Variants in KHDRBS2 observed in about 807,000 individuals in gnomAD.
KHDRBS2 encodes KH domain-containing, RNA-binding, signal transduction-associated protein 2.
In KHDRBS2, 26 loss-of-function variants were observed where a neutral mutation model predicts 44.3. The ratio of observed to expected loss-of-function variants is 0.59; its 90% CI spans 0.43 to 0.81. The LOEUF is 0.81. Among genes scored for constraint, KHDRBS2 ranks in the 40% least tolerant of loss-of-function variants. The probability of loss-of-function intolerance (pLI) is 0.00; values close to 1 mark genes in which losing one functional copy is unlikely to be tolerated. For synonymous variants in KHDRBS2, 194 were observed against 151.1 expected (o/e 1.28, Z -2.08); for missense variants, 476 against 433.1 (o/e 1.10, Z -0.88).
At chr6:61,972,015 C>T (rs533098407) in intron 4 of KHDRBS2, among the ~76,000 whole-genome samples, 12 of 152,222 alleles carry the variant, frequency 7.9e-5, no homozygotes, top group Non-Finnish European at 1.0e-4. Flanking sequence ...ATCTATTCAC[C>T]TATTTCCAAT....
intron 8 of KHDRBS2, among the ~76,000 whole-genome samples, chr6:61,694,975 G>A (rs1767746961): frequency 6.6e-6 from 1 of 152,150 alleles, no homozygotes; most frequent in Non-Finnish European, 1.5e-5. Flanking sequence ...ATTTGGGAGA[G>A]AGTAAGCCTG....
chr6:61,784,009 A>G (rs1296004625), intron 6 of KHDRBS2, among the ~76,000 whole-genome samples: 1 of 152,006 alleles, frequency 6.6e-6, no homozygotes, highest in Non-Finnish European at 1.5e-5. Flanking sequence ...AAACCTTAGA[A>G]TGACTCTGTC....
intron 4 of KHDRBS2, among the ~76,000 whole-genome samples, chr6:61,941,631 C>G (rs1262363572): frequency 1.3e-5 from 2 of 152,004 alleles, no homozygotes; most frequent in African/African-American, 4.8e-5. Context: ...CCTAAGCCAC[C>G]AAGAAAATCA....
At chr6:61,607,519 G>GCAAAAAAAAAAAA in the KHDRBS2 span, among the ~76,000 whole-genome samples, 1 of 23,322 alleles carries the variant, frequency 4.3e-5, no homozygotes, top group Non-Finnish European at 7.6e-5. Flanking sequence ...TGAGTTCCAA[G>GCAAAAAAAAAAAA]CAAAAAAAAA....
the KHDRBS2 span, among the ~76,000 whole-genome samples, chr6:61,667,133 AC>A: frequency 1.2e-4 from 17 of 147,644 alleles, no homozygotes; most frequent in African/African-American, 4.0e-4. Context: ...GCCGCAAAGT[AC>A]TTTTTTTTTT....
intron 2 of KHDRBS2, among the ~76,000 whole-genome samples, chr6:62,061,877 T>C (rs1226754672): frequency 6.6e-6 from 1 of 151,128 alleles, no homozygotes; most frequent in East Asian, 2.0e-4. Flanking sequence ...TCATTTCTTT[T>C]TATTCTTTTT....
At chr6:62,239,129 G>C (rs1017546754) in intron 1 of KHDRBS2, among the ~76,000 whole-genome samples, 3 of 152,142 alleles carry the variant, frequency 2.0e-5, no homozygotes, top group Non-Finnish European at 4.4e-5. Context: ...AATCAATGTT[G>C]AATTTCTTGG....
chr6:61,799,090 C>T (rs2127588704), intron 6 of KHDRBS2, among the ~76,000 whole-genome samples: 1 of 152,098 alleles, frequency 6.6e-6, no homozygotes, highest in East Asian at 1.9e-4. Context: ...TATGAGGCAT[C>T]AGTCGTGAAT....
Position 62,247,931 on chromosome 6 carries a change from C to G in KHDRBS2, c.91+37927G>C, listed in dbSNP as rs115166286. ...CAGTAGAGATTAAAAAGAGTTTTCC[C>G]AGAATGCTATGACTTTTTCTTTATA... On this transcript the variant is annotated intron_variant, in intron 1 of 8. Transcript: ENST00000281156. Among the ~76,000 whole-genome samples, 6 of 152,108 alleles carry G rather than the reference C, an allele frequency of 3.9e-5. 1 individual carries two copies. The East Asian group carries it at 5.8e-4, about 15-fold the overall frequency.
chr6:61,957,140 C>A (rs772362850), intron 4 of KHDRBS2, among the ~76,000 whole-genome samples: 1 of 152,152 alleles, frequency 6.6e-6, no homozygotes. Context: ...CCAATCAATA[C>A]CCTTGTGGTT....
the KHDRBS2 span, among the ~76,000 whole-genome samples, chr6:61,637,542 T>C: frequency 6.6e-6 from 1 of 152,082 alleles, no homozygotes; most frequent in Non-Finnish European, 1.5e-5. Context: ...CCTTTGGGTA[T>C]ATACCCAGTA....
intron 6 of KHDRBS2, among the ~76,000 whole-genome samples, chr6:61,822,526 T>G (rs1790090635): frequency 6.6e-6 from 1 of 151,998 alleles, no homozygotes; most frequent in African/African-American, 2.4e-5. Flanking sequence ...CTCTTCTCAC[T>G]AATTCTCCAC....
At chr6:61,835,535 G>C (rs148942822) in intron 6 of KHDRBS2, among the ~76,000 whole-genome samples, 208 of 152,134 alleles carry the variant, frequency 1.4e-3, no homozygotes, top group African/African-American at 4.8e-3. Flanking sequence ...GCTTTGAACA[G>C]TGCAGGGTAC....
the KHDRBS2 span, among the ~76,000 whole-genome samples, chr6:61,545,011 C>T: frequency 1.3e-5 from 2 of 152,092 alleles, no homozygotes; most frequent in Admixed American, 6.6e-5. Context: ...AGCACACCAA[C>T]ATGGCACATG....
chr6:62,055,187 T>C (rs1053153293), intron 2 of KHDRBS2, among the ~76,000 whole-genome samples: 5 of 151,976 alleles, frequency 3.3e-5, no homozygotes, highest in African/African-American at 1.2e-4. Context: ...CTGAAGATGG[T>C]TGACATTACA....
intron 3 of KHDRBS2, among the ~76,000 whole-genome samples, chr6:62,040,001 C>A (rs1786111916): frequency 1.3e-5 from 2 of 152,044 alleles, no homozygotes; most frequent in Admixed American, 6.6e-5. Flanking sequence ...TATGACTAAC[C>A]TAATGCTTTT....
chr6:61,772,999 C>G (rs959406211), intron 6 of KHDRBS2, among the ~76,000 whole-genome samples: 5 of 152,126 alleles, frequency 3.3e-5, no homozygotes, highest in Admixed American at 2.0e-4. Context: ...CATAGTATTC[C>G]GTGGTGTATA....
intron 4 of KHDRBS2, among the ~76,000 whole-genome samples, chr6:61,922,004 A>G (rs1808158031): frequency 6.6e-6 from 1 of 151,908 alleles, no homozygotes; most frequent in Non-Finnish European, 1.5e-5. Context: ...TTTCTTTGAC[A>G]TCCATATCGT....
chr6:62,026,671 A>C (rs1035400306), intron 3 of KHDRBS2, among the ~76,000 whole-genome samples: 29 of 151,882 alleles, frequency 1.9e-4, no homozygotes, highest in Non-Finnish European at 3.7e-4. Flanking sequence ...CACCTGCCTC[A>C]GCCTTTTAAA....
Sources: allele counts gnomAD v4.1 joint callset (sites outside exome capture counted in the v4.1 genomes callset), GRCh38; gene constraint gnomAD v4.1.1; transcripts MANE v1.5; gene names NCBI Gene and HGNC (gene_info 2026-07-23, HGNC 2026-07-21).